EFCAB6: variants seen among roughly 807,000 people sequenced by gnomAD.
EFCAB6 encodes the protein EF-hand calcium binding domain 6, also known as EF-hand calcium-binding domain-containing protein 6.
A neutral mutation model predicts 169.8 loss-of-function variants in EFCAB6; 156 were observed. That is an observed-to-expected ratio of 0.92 (90% CI 0.81 to 1.05). EFCAB6 has a LOEUF of 1.05. Ranked by LOEUF, EFCAB6 falls within the 50% of genes least tolerant of loss-of-function variation. The pLI, the probability that EFCAB6 is intolerant of heterozygous loss-of-function variation, is 0.00. For missense variants in EFCAB6, 1,800 were observed against 1,829.1 expected (o/e 0.98, Z 0.29); for synonymous variants, 698 against 676.4 (o/e 1.03, Z -0.50).
At chr22:43,679,747 A>T (rs563193395) in intron 12 of EFCAB6, among the ~76,000 whole-genome samples, 1 of 152,182 alleles carries the variant, frequency 6.6e-6, no homozygotes, top group South Asian at 2.1e-4. Context: ...GTATCTTTTC[A>T]CGGGTTCATA....
chr22:43,566,381 C>T (rs2049431285), intron 26 of EFCAB6, among the ~76,000 whole-genome samples: 1 of 152,270 alleles, frequency 6.6e-6, no homozygotes, highest in Admixed American at 6.5e-5. Context: ...TTTGCAAAGG[C>T]CATCAGTCAA....
chr22:43,656,655 C>T (rs535277613), intron 17 of EFCAB6, among the ~76,000 whole-genome samples: 1 of 152,270 alleles, frequency 6.6e-6, no homozygotes, highest in South Asian at 2.1e-4. Context: ...CTGTACAGAT[C>T]TGTAGCCTGA....
intron 26 of EFCAB6, among the ~76,000 whole-genome samples, chr22:43,563,068 T>G (rs912863071): frequency 6.6e-6 from 1 of 152,158 alleles, no homozygotes; most frequent in Non-Finnish European, 1.5e-5. Flanking sequence ...GACCTGCCCT[T>G]GTTCAGCGCC....
chr22:43,710,313 C>T (rs144124793), intron 10 of EFCAB6, among the ~76,000 whole-genome samples: 330 of 152,288 alleles, frequency 2.2e-3, no homozygotes, highest in South Asian at 3.5e-3. Flanking sequence ...GTCACATCAA[C>T]AGGATGTTGG....
intron 24 of EFCAB6, among the ~76,000 whole-genome samples, chr22:43,581,438 A>T (rs1227188280): frequency 6.6e-6 from 1 of 152,238 alleles, no homozygotes; most frequent in East Asian, 1.9e-4. Flanking sequence ...AGGCTCATTC[A>T]TCTCCTTGAC....
chr22:43,789,075 G>A (rs974383248), intron 2 of EFCAB6, among the ~76,000 whole-genome samples: 1 of 152,006 alleles, frequency 6.6e-6, no homozygotes, highest in African/African-American at 2.4e-5. Flanking sequence ...GGGAAGCAGG[G>A]GCTAAAAAAA....
At chr22:43,765,983 T>C (rs2061315084) in intron 4 of EFCAB6, among the ~76,000 whole-genome samples, 2 of 152,194 alleles carry the variant, frequency 1.3e-5, no homozygotes, top group Non-Finnish European at 2.9e-5. Context: ...ACTGATGTTT[T>C]TGGGGTAAAG....
In EFCAB6 at chr22:43,537,767, T is replaced by C. The variant is rs1417518163; in HGVS notation, c.3880-222A>G. Among the ~76,000 whole-genome samples the C allele has an allele frequency of 2.6e-5, 4 of 152,120 alleles. No homozygotes were observed. Among genetic ancestry groups the C allele is most frequent in the Non-Finnish European group, 5.9e-5 (4 of 68,022 alleles). On this transcript the variant is annotated intron_variant, in intron 28 of 31. Coordinates refer to ENST00000262726, the MANE Select transcript of EFCAB6 (RefSeq NM_022785.4). The surrounding 1 kb of genome is among the most constrained non-coding windows in gnomAD (Gnocchi z 4.3). The stretch of plus-strand genomic sequence containing the variant: ...GCCAAGCCATAATAACCAAAATAAT[T>C]TTGGAAATAGCCATGTAGCCAAGGT...
intron 17 of EFCAB6, among the ~76,000 whole-genome samples, chr22:43,657,377 C>T (rs1193787578): frequency 1.3e-5 from 2 of 151,610 alleles, no homozygotes; most frequent in African/African-American, 2.4e-5. Context: ...GTCATTTAGA[C>T]TTTAGAATCT....
At chr22:43,682,785 T>C (rs2058055121) in intron 12 of EFCAB6, among the ~76,000 whole-genome samples, 1 of 152,216 alleles carries the variant, frequency 6.6e-6, no homozygotes, top group Non-Finnish European at 1.5e-5. Context: ...GCCTGGCACA[T>C]AGTAAGCACT....
chr22:43,619,048 G>A (rs1205075639), intron 20 of EFCAB6, among the ~76,000 whole-genome samples: 1 of 152,170 alleles, frequency 6.6e-6, no homozygotes, highest in Non-Finnish European at 1.5e-5. Flanking sequence ...GCTACAGAGT[G>A]TGGGGGAGAT....
intron 17 of EFCAB6, among the ~76,000 whole-genome samples, chr22:43,638,815 C>T (rs1488242409): frequency 1.4e-5 from 2 of 139,790 alleles, no homozygotes; most frequent in Non-Finnish European, 3.1e-5. Flanking sequence ...GACGGAGTTT[C>T]GCTCTTGTTG....
At position 43,537,991 on chromosome 22, in the gene EFCAB6, T is replaced by C. The variant is rs1457250093; in HGVS notation, c.3880-446A>G. Among the ~76,000 whole-genome samples the C allele has an allele frequency of 6.6e-6, 1 of 152,252 alleles. No homozygotes were observed. The highest frequency in any genetic ancestry group is 1.5e-5 in the Non-Finnish European group (1 of 68,040). On this transcript the variant is annotated intron_variant, in intron 28 of 31. Transcript: ENST00000262726. This position sits in a 1 kb window ranked among gnomAD's most constrained non-coding sequence, Gnocchi z 4.3. ...ACATTATGTGGATCAAGTACGAGGC[T>C]GTTCTTTGCTTTATTGTATTTCCTA... is the stretch of plus-strand genomic sequence containing the variant.
intron 4 of EFCAB6, among the ~76,000 whole-genome samples, chr22:43,771,403 C>T (rs957301084): frequency 4.0e-5 from 6 of 151,880 alleles, no homozygotes; most frequent in African/African-American, 1.5e-4. Flanking sequence ...GCACTCTAGC[C>T]TGGATGACAG....
chr22:43,699,420 C>A (rs551400671), intron 10 of EFCAB6, among the ~76,000 whole-genome samples: 23 of 152,300 alleles, frequency 1.5e-4, no homozygotes, highest in Admixed American at 1.3e-3. Flanking sequence ...TAGGAGGGAT[C>A]CTGGCTTCCC....
chr22:43,616,156 T>A (rs921035152), intron 20 of EFCAB6, among the ~76,000 whole-genome samples: 7 of 152,220 alleles, frequency 4.6e-5, no homozygotes, highest in Admixed American at 2.0e-4. Context: ...CTATTCAACT[T>A]TTTTCTTTTC....
intron 26 of EFCAB6, chr22:43,570,081 C>T (rs1055310425): frequency 6.6e-6 from 1 of 152,162 alleles, no homozygotes; most frequent in Non-Finnish European, 1.5e-5. Context: ...TTTTGATGTA[C>T]TTTACCATCC....
At chr22:43,804,782 G>A (rs1282178169) in intron 2 of EFCAB6, among the ~76,000 whole-genome samples, 1 of 148,656 alleles carries the variant, frequency 6.7e-6, no homozygotes, top group Non-Finnish European at 1.5e-5. Context: ...AAAAAAATCA[G>A]AGGATAAATA....
chr22:43,605,360 A>G (rs1246386045), intron 22 of EFCAB6, among the ~76,000 whole-genome samples: 3 of 152,162 alleles, frequency 2.0e-5, no homozygotes, highest in Non-Finnish European at 4.4e-5. Flanking sequence ...AAACTCCACA[A>G]GGGGCCAGGC....
Sources: gnomAD v4.1 joint callset for allele counts (sites outside exome capture counted in the v4.1 genomes callset) on GRCh38, gnomAD v4.1.1 for gene constraint, Gnocchi (gnomAD v3.1) non-coding constraint, MANE v1.5 for transcripts, NCBI Gene and HGNC (gene_info 2026-07-23, HGNC 2026-07-21) for gene names.